SFRP1: variants seen among roughly 807,000 people sequenced by gnomAD.
SFRP1 encodes the protein secreted frizzled-related protein 1.
A neutral mutation model predicts 25.9 loss-of-function variants in SFRP1; 9 were observed. The observed-to-expected ratio is 0.35, with a 90% CI of 0.21 to 0.61. SFRP1 has a LOEUF of 0.61. Among genes scored for constraint, SFRP1 ranks in the 20% least tolerant of loss-of-function variants. SFRP1 has a pLI of 0.78. For synonymous variants in SFRP1, 178 were observed against 174.0 expected, an observed-to-expected ratio of 1.02 and a Z score of -0.18; for missense variants, 346 against 418.2, an observed-to-expected ratio of 0.83 and a Z score of 1.51.
At chr8:41,277,220 C>CA (rs1563360734) in intron 2 of SFRP1, among the ~76,000 whole-genome samples, 1 of 151,576 alleles carries the variant, frequency 6.6e-6, no homozygotes, top group African/African-American at 2.4e-5. Flanking sequence ...CCCAGCCCCC[C>CA]ACCCTCACCA....
At chr8:41,294,652 C>A (rs1251692270) in intron 2 of SFRP1, among the ~76,000 whole-genome samples, 2 of 152,142 alleles carry the variant, frequency 1.3e-5, no homozygotes, top group African/African-American at 2.4e-5. Context: ...ATCTGCCAAG[C>A]CAGTAAGCAT....
At chr8:41,303,397 T>C in intron 2 of SFRP1, 64 bp downstream of exon 2, 1 of 1,195,568 alleles carries the variant, frequency 8.4e-7, no homozygotes, top group Non-Finnish European at 1.2e-6. Flanking sequence ...AGGGCCTCCG[T>C]CTGGCAGAGG....
At chr8:41,280,663 T>C (rs1469025748) in intron 2 of SFRP1, among the ~76,000 whole-genome samples, 1 of 152,196 alleles carries the variant, frequency 6.6e-6, no homozygotes, top group African/African-American at 2.4e-5. Context: ...CAGGAAGCCA[T>C]TTCTTGAGAA....
intron 2 of SFRP1, among the ~76,000 whole-genome samples, chr8:41,296,205 T>C (rs1229066373): frequency 6.6e-6 from 1 of 152,222 alleles, no homozygotes. Context: ...AGTTCAAATA[T>C]GTATTATATG....
intron 2 of SFRP1, among the ~76,000 whole-genome samples, chr8:41,273,326 C>T (rs1803534012): frequency 6.6e-6 from 1 of 152,016 alleles, no homozygotes; most frequent in African/African-American, 2.4e-5. Flanking sequence ...TCTGTCTCTA[C>T]TAAAAATACA....
At chr8:41,306,642 G>A in intron 1 of SFRP1, 1 of 1,510,300 alleles carries the variant, frequency 6.6e-7, no homozygotes, top group South Asian at 1.2e-5. Context: ...GGGAAAACCA[G>A]TCCCAAGCCC....
In SFRP1 at chr8:41,284,931, T is replaced by A. The variant is rs1003814460; in HGVS notation, c.622+18530A>T. ...TTCACTCTGCCCTTCTTCCCTCAGGTCAGACACTCACTCTTCCCTACGCCC... is the reference window on the plus strand; with the variant it reads ...TTCACTCTGCCCTTCTTCCCTCAGGACAGACACTCACTCTTCCCTACGCCC... On this transcript the variant is annotated intron_variant, in intron 2 of 2. Transcript: ENST00000220772. Among the ~76,000 whole-genome samples, 9 of 152,246 alleles carry A rather than the reference T, an allele frequency of 5.9e-5. No individual in the cohort carries two copies. In the South Asian group the frequency reaches 6.2e-4, roughly 11 times the overall value.
In SFRP1 at chr8:41,269,577, T is replaced by C. The variant is rs139173760; in HGVS notation, c.623-4088A>G. On this transcript the variant is annotated intron_variant, in intron 2 of 2. Coordinates refer to ENST00000220772, the MANE Select transcript of SFRP1 (RefSeq NM_003012.5). ...GGAAGCTGAAATGAGAATGAGGAAG[T>C]CATCACACACCATCCCAAACCCTCA... 3.9e-5 allele frequency among the ~76,000 whole-genome samples: 6 copies of C among 152,266 alleles called. No homozygotes were observed. The East Asian group carries it at 1.2e-3, about 29-fold the overall frequency.
intron 2 of SFRP1, among the ~76,000 whole-genome samples, chr8:41,289,414 A>C (rs570381990): frequency 1.3e-5 from 2 of 152,274 alleles, no homozygotes; most frequent in South Asian, 2.1e-4. Context: ...TTCTTACTCC[A>C]TATTTTATCT....
rs183760042 is a variant in SFRP1 at position 41,306,476 on chromosome 8, C to A, written c.544+2140G>T. ...GGTTTGTCTTGACCTGCCCTCTACA[C>A]ACCTACACACACACACACACACACA... On this transcript the variant is annotated intron_variant, in intron 1 of 2. Transcript: ENST00000220772. Among the ~76,000 whole-genome samples the A allele has an allele frequency of 8.4e-3, 1,237 of 146,908 alleles. 18 individuals carry two copies. Among genetic ancestry groups the A allele is most frequent in the African/African-American group, 0.031 (1,151 of 37,426 alleles).
At chr8:41,274,154 C>T (rs1358118749) in intron 2 of SFRP1, among the ~76,000 whole-genome samples, 1 of 152,222 alleles carries the variant, frequency 6.6e-6, no homozygotes, top group African/African-American at 2.4e-5. Context: ...TATCGTGAGA[C>T]TTCTCCAATC....
intron 2 of SFRP1, among the ~76,000 whole-genome samples, chr8:41,283,282 AGT>A (rs1334619608): frequency 1.3e-5 from 2 of 152,014 alleles, no homozygotes; most frequent in South Asian, 2.1e-4. Flanking sequence ...TCCCTTTCAG[AGT>A]GTGTGTGTCT....
rs140549954 is a variant in SFRP1, at chr8:41,294,081, T to C, written c.622+9380A>G. Among the ~76,000 whole-genome samples the C allele has an allele frequency of 2.9e-3, 447 of 152,202 alleles. 3 individuals carry two copies. The highest frequency in any genetic ancestry group is 0.01 in the African/African-American group (429 of 41,532). ...TCGAGGGCAGGAACAGGGTCCTCCA[T>C]ATGGGGCTGAGACCAAAGGAAAAGT... On this transcript the variant is annotated intron_variant, in intron 2 of 2. Transcript: ENST00000220772.
In SFRP1 at chr8:41,287,306, G is replaced by A. The variant is rs773086543; in HGVS notation, c.622+16155C>T. On this transcript the variant is annotated intron_variant, in intron 2 of 2. Coordinates refer to ENST00000220772, the MANE Select transcript of SFRP1 (RefSeq NM_003012.5). ...TGGGAAATGCCTGGGAATGACAGGC[G>A]TGCCAGCTTGTTTTCTCTCACCTCA... Among the ~76,000 whole-genome samples the A allele has an allele frequency of 5.9e-5, 9 of 152,348 alleles. No individual in the cohort carries two copies. The South Asian group carries it at 6.2e-4, about 11-fold the overall frequency.
At chr8:41,271,322 C>A (rs1803503388) in intron 2 of SFRP1, 1 of 153,612 alleles carries the variant, frequency 6.5e-6, no homozygotes, top group African/African-American at 2.4e-5. Flanking sequence ...GAGACTGTAA[C>A]ATACAAAACA....
intron 2 of SFRP1, chr8:41,298,327 G>A (rs1365532784): frequency 6.6e-6 from 1 of 152,142 alleles, no homozygotes; most frequent in Non-Finnish European, 1.5e-5. Flanking sequence ...ATAATTTATT[G>A]TATATTTCAA....
intron 2 of SFRP1, among the ~76,000 whole-genome samples, chr8:41,294,206 C>G (rs1214914465): frequency 6.6e-6 from 1 of 152,156 alleles, no homozygotes; most frequent in African/African-American, 2.4e-5. Flanking sequence ...TCTCTAGGCA[C>G]CAGCTGCTCT....
At position 41,262,035 on chromosome 8, in the gene SFRP1, G is replaced by A. The variant is rs3242; in HGVS notation, c.*3132C>T. 0.29 allele frequency: 44,069 copies of A among 152,260 alleles called. 6,980 individuals are homozygous for A. The highest frequency in any genetic ancestry group is 0.39 in the Middle Eastern group (115 of 294). The allele number at this position is 152,260 out of a possible 1,614,324, so 9.4% of individuals were successfully genotyped here. On this transcript the variant is annotated 3_prime_UTR_variant, in exon 3 of 3. Coordinates refer to ENST00000220772, the MANE Select transcript of SFRP1 (RefSeq NM_003012.5). ...AAAAGCATGAAAATAAAATGAACACGTACGGGAATTACTATTAACATAAGC... is the reference window on the plus strand; with the variant it reads ...AAAAGCATGAAAATAAAATGAACACATACGGGAATTACTATTAACATAAGC...
In SFRP1 at chr8:41,278,235, G is replaced by C. The variant is rs900800624; in HGVS notation, c.623-12746C>G. 2.6e-5 allele frequency among the ~76,000 whole-genome samples: 4 copies of C among 152,276 alleles called. No individual in the cohort carries two copies. The East Asian group carries it at 7.7e-4, about 29-fold the overall frequency. On this transcript the variant is annotated intron_variant, in intron 2 of 2. Transcript: ENST00000220772. ...AATTGCTGAGGTCTCTTCCAGAGCT[G>C]TGGGTGCTTGCAAAATCAAGAAAAC...
Sources: allele counts gnomAD v4.1 joint callset (sites outside exome capture counted in the v4.1 genomes callset), GRCh38; gene constraint gnomAD v4.1.1; transcripts MANE v1.5; gene names NCBI Gene and HGNC (gene_info 2026-07-23, HGNC 2026-07-21).